Variants in LIMA1 observed in about 807,000 individuals in gnomAD.
LIMA1 encodes LIM domain and actin-binding protein 1.
A neutral mutation model predicts 62.6 loss-of-function variants in LIMA1; 52 were observed. The ratio of observed to expected loss-of-function variants is 0.83; its 90% CI spans 0.67 to 1.05. The LOEUF is 1.05. LIMA1 is among the 50% of genes least tolerant of loss of function. The pLI is 0.00. For synonymous variants in LIMA1, 302 were observed against 317.8 expected, an observed-to-expected ratio of 0.95 and a Z score of 0.53; for missense variants, 780 against 902.2, an observed-to-expected ratio of 0.86 and a Z score of 1.74.
chr12:50,217,113 T>C (rs1175956273), intron 4 of LIMA1, among the ~76,000 whole-genome samples: 2 of 151,810 alleles, frequency 1.3e-5, no homozygotes, highest in Non-Finnish European at 2.9e-5. Flanking sequence ...AAAATAAGTT[T>C]TTATTTTTGC....
intron 2 of LIMA1, among the ~76,000 whole-genome samples, chr12:50,247,981 T>G (rs1592553278): frequency 3.3e-5 from 5 of 152,210 alleles, no homozygotes. Flanking sequence ...TGGGCTGTAG[T>G]GTGCCTGTGT....
At chr12:50,203,941 G>A (rs141180216) in intron 6 of LIMA1, among the ~76,000 whole-genome samples, 59 of 152,310 alleles carry the variant, frequency 3.9e-4, no homozygotes, top group Non-Finnish European at 6.9e-4. Flanking sequence ...GAAGTTGGGA[G>A]TGACTACACA....
Position 50,205,982 on chromosome 12 carries a change from A to G in LIMA1, c.715+2T>C, listed in dbSNP as rs1418886191. 8.1e-6 allele frequency: 13 copies of G among 1,609,204 alleles called. No homozygotes were observed. Among genetic ancestry groups the G allele is most frequent in the Non-Finnish European group, 1.1e-5 (13 of 1,176,518 alleles). On this transcript the variant is annotated splice_donor_variant, in intron 5 of 10. Transcript: ENST00000341247. LOFTEE classifies it high-confidence loss of function. Reference sequence around the variant, plus strand: ...CTCATACACATGGAACTCTCTGCTTACCTGGGCCTATTTCCAGGTCATCTA... The same window carrying G: ...CTCATACACATGGAACTCTCTGCTTGCCTGGGCCTATTTCCAGGTCATCTA...
chr12:50,203,668 C>T lies in LIMA1; in HGVS notation c.864+884G>A, dbSNP rs575969026. Among the ~76,000 whole-genome samples the T allele has an allele frequency of 2.6e-5, 4 of 152,300 alleles. No homozygotes were observed. In the South Asian group the frequency reaches 8.3e-4, roughly 32 times the overall value. ...CCTCAGGCAATCTGCCCACCTCGGCCTCCCAAAGTGCTGGGATTACAGGTG... is the reference window on the plus strand; with the variant it reads ...CCTCAGGCAATCTGCCCACCTCGGCTTCCCAAAGTGCTGGGATTACAGGTG... On this transcript the variant is annotated intron_variant, in intron 6 of 10. Coordinates refer to ENST00000341247, the MANE Select transcript of LIMA1 (RefSeq NM_016357.5).
intron 1 of LIMA1, among the ~76,000 whole-genome samples, chr12:50,275,148 G>T (rs1182529772): frequency 3.9e-5 from 6 of 151,986 alleles, no homozygotes; most frequent in African/African-American, 1.4e-4. Context: ...CTTGAGGCCA[G>T]GAGTTCTAGA....
chr12:50,274,000 C>T (rs1942245627), intron 1 of LIMA1, among the ~76,000 whole-genome samples: 1 of 152,052 alleles, frequency 6.6e-6, no homozygotes, highest in Non-Finnish European at 1.5e-5. Flanking sequence ...CCTGGAAACA[C>T]CTTAGAAAAC....
chr12:50,262,374 C>T (rs1942082325), intron 1 of LIMA1, among the ~76,000 whole-genome samples: 1 of 152,084 alleles, frequency 6.6e-6, no homozygotes, highest in Non-Finnish European at 1.5e-5. Context: ...GATTCTGATT[C>T]ATTAGGTCTG....
At chr12:50,275,130 G>T (rs891998456) in intron 1 of LIMA1, among the ~76,000 whole-genome samples, 2 of 152,032 alleles carry the variant, frequency 1.3e-5, no homozygotes, top group African/African-American at 4.8e-5. Flanking sequence ...GCTGAGGTGG[G>T]CAGATCACTT....
At chr12:50,249,394 T>C (rs1227494224) in intron 1 of LIMA1, among the ~76,000 whole-genome samples, 6 of 152,236 alleles carry the variant, frequency 3.9e-5, no homozygotes, top group Non-Finnish European at 8.8e-5. Flanking sequence ...GGTTTTGATA[T>C]AGATTTAAGG....
At chr12:50,254,942 T>A (rs1941974100) in intron 1 of LIMA1, among the ~76,000 whole-genome samples, 1 of 151,204 alleles carries the variant, frequency 6.6e-6, no homozygotes, top group Non-Finnish European at 1.5e-5. Flanking sequence ...TGCCTGTAAT[T>A]CCAGCTACTC....
chr12:50,270,866 G>A (rs1942201730), intron 1 of LIMA1, among the ~76,000 whole-genome samples: 1 of 152,082 alleles, frequency 6.6e-6, no homozygotes, highest in African/African-American at 2.4e-5. Context: ...GCCGAGGTGG[G>A]CGGATGACGA....
At chr12:50,239,253 G>C in intron 2 of LIMA1, among the ~76,000 whole-genome samples, 1 of 152,168 alleles carries the variant, frequency 6.6e-6, no homozygotes, top group Non-Finnish European at 1.5e-5. Flanking sequence ...AATAACAAAG[G>C]AACACAATTG....
At chr12:50,272,341 G>C (rs537430686) in intron 1 of LIMA1, among the ~76,000 whole-genome samples, 2 of 151,916 alleles carry the variant, frequency 1.3e-5, no homozygotes, top group African/African-American at 4.8e-5. Context: ...TATAATCCCA[G>C]CACTTTGGGA....
At chr12:50,196,022 G>C in intron 7 of LIMA1, 135 bp from the exon 8 acceptor site, 1 of 811,112 alleles carries the variant, frequency 1.2e-6, no homozygotes, top group Non-Finnish European at 1.8e-6. Context: ...GAAATAACGG[G>C]CACCAGAACA....
At chr12:50,226,020 C>A (rs557017845) in intron 3 of LIMA1, among the ~76,000 whole-genome samples, 1 of 151,908 alleles carries the variant, frequency 6.6e-6, no homozygotes, top group Non-Finnish European at 1.5e-5. Flanking sequence ...TACACTGTTA[C>A]TTCTTTGTTA....
intron 4 of LIMA1, among the ~76,000 whole-genome samples, chr12:50,218,916 C>CA (rs202162435): frequency 0.02 from 2,759 of 138,558 alleles, 98 homozygotes; most frequent in African/African-American, 0.064. Context: ...AAAACAAAAA[C>CA]AAAAAAAAAA....
intron 10 of LIMA1, among the ~76,000 whole-genome samples, chr12:50,178,845 C>T (rs1008280769): frequency 1.3e-5 from 2 of 151,990 alleles, no homozygotes; most frequent in Non-Finnish European, 2.9e-5. Flanking sequence ...AACTAACTTT[C>T]TCCACTTTGG....
chr12:50,234,005 T>C, intron 2 of LIMA1: 1 of 411,924 alleles, frequency 2.4e-6, no homozygotes, highest in Non-Finnish European at 4.8e-6. Context: ...GGCACAGCTA[T>C]AGTTGATGAC....
Position 50,248,780 on chromosome 12 carries a change from C to G in LIMA1, c.-23-6G>C. Reference sequence around the variant, plus strand: ...GTCTACAGACACTGAAATACCTATGCAATAAAGAAAGTCAGAACATTAGAC... The same window carrying G: ...GTCTACAGACACTGAAATACCTATGGAATAAAGAAAGTCAGAACATTAGAC... On this transcript the variant is annotated splice_region_variant and splice_polypyrimidine_tract_variant and intron_variant, in intron 1 of 10. Transcript: ENST00000341247. The G allele has an allele frequency of 7.7e-7, 1 of 1,302,364 alleles. No homozygotes were observed. The highest frequency in any genetic ancestry group is 1.1e-6 in the Non-Finnish European group (1 of 897,656). 80.7% of individuals were successfully genotyped at this position (1,302,364 alleles called of 1,614,324 possible). A position where few individuals can be genotyped will look rare whatever the true frequency, so the allele number is the denominator to read the frequency against.
Sources: allele counts gnomAD v4.1 joint callset (sites outside exome capture counted in the v4.1 genomes callset), GRCh38; gene constraint gnomAD v4.1.1; transcripts MANE v1.5; gene names NCBI Gene and HGNC (gene_info 2026-07-23, HGNC 2026-07-21).